Variants in FGD6 observed in about 807,000 individuals in gnomAD.
FGD6 encodes FYVE, RhoGEF and PH domain containing 6, also known as FYVE, RhoGEF and PH domain-containing protein 6.
In FGD6, 90 loss-of-function variants were observed where a neutral mutation model predicts 149.4. That is an observed-to-expected ratio of 0.60 (90% confidence interval 0.51 to 0.72). The LOEUF (loss-of-function observed/expected upper bound fraction) is 0.72. Ranked by LOEUF, FGD6 falls within the 30% of genes least tolerant of loss-of-function variation. The pLI, the probability that FGD6 is intolerant of heterozygous loss-of-function variation, is 0.00. For missense variants in FGD6, 1,437 were observed against 1,684.8 expected (o/e 0.85, Z 2.57); for synonymous variants, 527 against 584.0 (o/e 0.90, Z 1.41).
chr12:95,140,049 C>T (rs548397507), intron 6 of FGD6, among the ~76,000 whole-genome samples: 4 of 152,286 alleles, frequency 2.6e-5, no homozygotes, highest in African/African-American at 7.2e-5. Flanking sequence ...ATTTACCCAA[C>T]ATATAGAGGC....
At chr12:95,101,680 T>TG (rs1878439089) in intron 14 of FGD6, among the ~76,000 whole-genome samples, 3 of 105,642 alleles carry the variant, frequency 2.8e-5, no homozygotes, top group Admixed American at 1.1e-4. Flanking sequence ...CTTTGAACTT[T>TG]CTTTTTTTTT....
chr12:95,160,759 G>T (rs1198843902), intron 3 of FGD6, among the ~76,000 whole-genome samples: 1 of 152,164 alleles, frequency 6.6e-6, no homozygotes, highest in Non-Finnish European at 1.5e-5. Context: ...ACCTGTGTGG[G>T]AGGCTGAGGC....
At chr12:95,213,361 T>C (rs533805369) in intron 1 of FGD6, among the ~76,000 whole-genome samples, 1 of 152,268 alleles carries the variant, frequency 6.6e-6, no homozygotes, top group East Asian at 1.9e-4. Context: ...GGAGGATTGC[T>C]TGAGCTCAGG....
chr12:95,084,999 A>C (rs938756182), intron 19 of FGD6, among the ~76,000 whole-genome samples: 5 of 152,214 alleles, frequency 3.3e-5, no homozygotes, highest in Non-Finnish European at 1.5e-5. Context: ...CTCACTAAGG[A>C]AAAGTGTGGA....
At chr12:95,083,008 A>AT (rs1338773595) in intron 20 of FGD6, among the ~76,000 whole-genome samples, 25 of 35,134 alleles carry the variant, frequency 7.1e-4, no homozygotes, top group African/African-American at 1.5e-3. Context: ...AAAAAAAAAA[A>AT]AAAAATATAT....
chr12:95,191,588 C>T (rs1181899879), intron 2 of FGD6, among the ~76,000 whole-genome samples: 1 of 152,130 alleles, frequency 6.6e-6, no homozygotes, highest in Non-Finnish European at 1.5e-5. Flanking sequence ...TGTAATCTCT[C>T]ACAATATTTA....
chr12:95,188,685 GAC>G (rs1881512125), intron 2 of FGD6, among the ~76,000 whole-genome samples: 1 of 152,028 alleles, frequency 6.6e-6, no homozygotes. Context: ...CTTTTTTTAA[GAC>G]AACAATTTTA....
intron 2 of FGD6, among the ~76,000 whole-genome samples, chr12:95,185,737 T>G (rs1881411405): frequency 6.6e-6 from 1 of 152,152 alleles, no homozygotes; most frequent in Non-Finnish European, 1.5e-5. Context: ...GGTGCGCACC[T>G]GTAATCCCGG....
intron 20 of FGD6, among the ~76,000 whole-genome samples, chr12:95,083,498 A>G (rs2043367): frequency 0.27 from 40,288 of 151,994 alleles, 5,680 homozygotes; most frequent in Non-Finnish European, 0.27. Flanking sequence ...TAGGGCAATT[A>G]CTATTTTGTC....
intron 19 of FGD6, 40 bp downstream of exon 19, chr12:95,085,740 C>G: frequency 1.3e-6 from 2 of 1,564,700 alleles, no homozygotes; most frequent in South Asian, 1.2e-5. Context: ...GTTGGCATTA[C>G]AAAACCCCAA....
At chr12:95,107,690 ATTTCCT>A (rs911567127) in intron 11 of FGD6, 59 bp from the exon 12 acceptor site, 36 of 1,563,196 alleles carry the variant, frequency 2.3e-5, no homozygotes, top group Non-Finnish European at 3.1e-5. Flanking sequence ...CGACAATATA[ATTTCCT>A]TTTCAACTTT....
chr12:95,126,149 T>G (rs1437291350), intron 8 of FGD6: 5 of 1,046,108 alleles, frequency 4.8e-6, no homozygotes, highest in African/African-American at 1.6e-5. Context: ...TTAACAAGCT[T>G]CAAAAGGAAG....
At chr12:95,100,065 C>A (rs926578331) in intron 14 of FGD6, among the ~76,000 whole-genome samples, 1 of 83,490 alleles carries the variant, frequency 1.2e-5, no homozygotes, top group African/African-American at 4.5e-5. Flanking sequence ...TCCCCCCCCC[C>A]CCCACCCCAT....
intron 5 of FGD6, among the ~76,000 whole-genome samples, chr12:95,143,487 A>G (rs908438748): frequency 6.6e-6 from 1 of 152,192 alleles, no homozygotes; most frequent in African/African-American, 2.4e-5. Flanking sequence ...CATTAGCCCA[A>G]AGGAGCCAAC....
chr12:95,189,784 C>A (rs575045190), intron 2 of FGD6: 1 of 152,060 alleles, frequency 6.6e-6, no homozygotes, highest in African/African-American at 2.4e-5. Flanking sequence ...AACCTCCTAA[C>A]CTAGCTAGAG....
At chr12:95,130,051 G>A (rs577530332) in intron 8 of FGD6, among the ~76,000 whole-genome samples, 37 of 152,040 alleles carry the variant, frequency 2.4e-4, no homozygotes, top group Non-Finnish European at 3.7e-4. Flanking sequence ...TTTTAGATCC[G>A]GTTTGAACTG....
At chr12:95,139,116 C>T (rs181073124) in intron 6 of FGD6, among the ~76,000 whole-genome samples, 2 of 152,256 alleles carry the variant, frequency 1.3e-5, no homozygotes, top group Admixed American at 1.3e-4. Context: ...TATGTATTGA[C>T]TTGAACCCTA....
In FGD6 at chr12:95,142,202, C is replaced by T. The variant is rs145860363; in HGVS notation, c.2686-663G>A. Among the ~76,000 whole-genome samples the T allele has an allele frequency of 6.2e-3, 920 of 149,494 alleles. 9 individuals are homozygous for T. Among genetic ancestry groups the T allele is most frequent in the African/African-American group, 0.021 (867 of 40,468 alleles). The stretch of plus-strand genomic sequence containing the variant: ...TGTCACCCACGCTAGAGTACAGTGG[C>T]GCGATCTTGGCTCACTGCAACCTCC... On this transcript the variant is annotated intron_variant, in intron 5 of 20. Coordinates refer to ENST00000343958, the MANE Select transcript of FGD6 (RefSeq NM_018351.4).
At chr12:95,197,055 T>C (rs1472445318) in intron 2 of FGD6, among the ~76,000 whole-genome samples, 2 of 152,214 alleles carry the variant, frequency 1.3e-5, no homozygotes, top group African/African-American at 4.8e-5. Flanking sequence ...CCAGTAATGC[T>C]AGCAGTGGTT....
Sources: gnomAD v4.1 joint callset for allele counts (sites outside exome capture counted in the v4.1 genomes callset) on GRCh38, gnomAD v4.1.1 for gene constraint, MANE v1.5 for transcripts, NCBI Gene and HGNC (gene_info 2026-07-23, HGNC 2026-07-21) for gene names.